The following OTULIN variants were observed in gnomAD, a reference collection of about 807,000 sequenced individuals.
The protein encoded by OTULIN is ubiquitin thioesterase otulin.
Under a neutral mutation model 39.6 loss-of-function variants are expected in OTULIN, and 15 were observed. The ratio of observed to expected loss-of-function variants is 0.38; its 90% CI spans 0.25 to 0.58. The LOEUF (loss-of-function observed/expected upper bound fraction) is 0.58, where lower values mean the gene tolerates loss of function less well. Among genes scored for constraint, OTULIN ranks in the 20% least tolerant of loss-of-function variants. The pLI, the probability that OTULIN is intolerant of heterozygous loss-of-function variation, is 0.66. For synonymous variants in OTULIN, 156 were observed against 170.3 expected (o/e 0.92, Z 0.65); for missense variants, 319 against 445.9 (o/e 0.72, Z 2.56).
At chr5:14,716,445 T>C in the OTULIN span, among the ~76,000 whole-genome samples, 308 of 152,264 alleles carry the variant, frequency 2.0e-3, 4 homozygotes, top group Middle Eastern at 6.8e-3. Context: ...TGAGCCGACA[T>C]TGTGCTACTG....
chr5:14,692,746 T>G, intron 6 of OTULIN, 108 bp from the exon 7 acceptor site: 1 of 861,670 alleles, frequency 1.2e-6, no homozygotes, highest in Non-Finnish European at 1.8e-6. Flanking sequence ...GAAAAAACGT[T>G]GTGGCTTCAC....
chr5:14,706,955 A>G, the OTULIN span: 1 of 152,252 alleles, frequency 6.6e-6, no homozygotes, highest in Non-Finnish European at 1.5e-5. Flanking sequence ...CAATGCAGAC[A>G]TCTCAACACT....
intron 6 of OTULIN, 117 bp from the exon 7 acceptor site, chr5:14,692,737 A>G (rs1443399080): frequency 5.1e-5 from 41 of 796,464 alleles, no homozygotes; most frequent in Non-Finnish European, 8.0e-5. Flanking sequence ...AAGCAGGAGG[A>G]AAAAACGTTG....
chr5:14,674,525 G>T (rs1255530133), intron 2 of OTULIN, among the ~76,000 whole-genome samples: 1 of 152,238 alleles, frequency 6.6e-6, no homozygotes, highest in African/African-American at 2.4e-5. Flanking sequence ...GGAGGCCGAG[G>T]CGGGCGGATT....
intron 5 of OTULIN, 53 bp downstream of exon 5, chr5:14,687,699 T>C (rs1196205581): frequency 6.5e-7 from 1 of 1,528,508 alleles, no homozygotes; most frequent in East Asian, 2.4e-5. Context: ...CGTTCTTGCT[T>C]GCCCCAGAAG....
chr5:14,677,792 A>G (rs1258798540), intron 2 of OTULIN, among the ~76,000 whole-genome samples: 1 of 152,242 alleles, frequency 6.6e-6, no homozygotes, highest in Non-Finnish European at 1.5e-5. Flanking sequence ...TAAATACATT[A>G]AGATAATTAA....
At chr5:14,679,584 CTG>C (rs1356858487) in intron 3 of OTULIN, among the ~76,000 whole-genome samples, 4 of 152,196 alleles carry the variant, frequency 2.6e-5, no homozygotes, top group South Asian at 2.1e-4. Flanking sequence ...GAGATACTGA[CTG>C]TCATATTTAA....
Position 14,687,616 on chromosome 5 carries a change from T to C in OTULIN, c.564T>C (p.Ile188=), listed in dbSNP as rs1736418634. ...AGAATGAGGACCTGGTTGATAAAATTAAAGAGTCCCTTACTCTGCTGAGGA... is the reference window on the plus strand; with the variant it reads ...AGAATGAGGACCTGGTTGATAAAATCAAAGAGTCCCTTACTCTGCTGAGGA... ...DGKNEDLVDK[I]KESLTLLRKK... is the part of the protein sequence containing the mutation. Residue 188 remains isoleucine, a synonymous_variant, in exon 5 of 7, where the codon ATT becomes ATC. Coordinates refer to ENST00000284274, the MANE Select transcript of OTULIN (RefSeq NM_138348.6). 6.2e-7 allele frequency: 1 copy of C among 1,613,908 alleles called. No homozygotes were observed.
At chr5:14,673,190 T>C (rs1440993687) in intron 1 of OTULIN, among the ~76,000 whole-genome samples, 1 of 152,188 alleles carries the variant, frequency 6.6e-6, no homozygotes, top group Non-Finnish European at 1.5e-5. Context: ...TTAAGGTAGC[T>C]ATTGTCAGGT....
rs369428778 is a variant in OTULIN at position 14,676,934 on chromosome 5, G to A, written c.230-1747G>A. Reference sequence around the variant, plus strand: ...TTTAAGGATTGGCTGTGCAGCATTGGTCTTTGTGGTCCCTGTATATTATAC... The same window carrying A: ...TTTAAGGATTGGCTGTGCAGCATTGATCTTTGTGGTCCCTGTATATTATAC... On this transcript the variant is annotated intron_variant, in intron 2 of 6. Coordinates refer to ENST00000284274, the MANE Select transcript of OTULIN (RefSeq NM_138348.6). 2.0e-4 allele frequency among the ~76,000 whole-genome samples: 30 copies of A among 152,232 alleles called. No homozygotes were observed. The South Asian group carries it at 6.2e-3, about 32-fold the overall frequency.
At position 14,697,324 on chromosome 5, in the gene OTULIN, G is replaced by C. The variant is rs1736696086; in HGVS notation, c.*4276G>C. 1 of 152,116 alleles carries C rather than the reference G, an allele frequency of 6.6e-6. No individual in the cohort carries two copies. The highest frequency in any genetic ancestry group is 1.5e-5 in the Non-Finnish European group (1 of 68,046). The allele number at this position is 152,116 out of a possible 1,614,324, so 9.4% of individuals were successfully genotyped here. Reference sequence around the variant, plus strand: ...GCCAAATAGCTGGGATTACAGGTGTGTACCACCACTCCCAGCTAATTTTTG... The same window carrying C: ...GCCAAATAGCTGGGATTACAGGTGTCTACCACCACTCCCAGCTAATTTTTG... On this transcript the variant is annotated 3_prime_UTR_variant, in exon 7 of 7. Coordinates refer to ENST00000284274, the MANE Select transcript of OTULIN (RefSeq NM_138348.6).
chr5:14,704,496 G>A (rs1736882912), downstream of OTULIN, among the ~76,000 whole-genome samples: 1 of 152,190 alleles, frequency 6.6e-6, no homozygotes, highest in African/African-American at 2.4e-5. Context: ...TTGAGAAGGT[G>A]TATAGAGAAG....
Position 14,697,379 on chromosome 5 carries a change from G to A in OTULIN, c.*4331G>A, listed in dbSNP as rs566871379. 6.6e-6 allele frequency: 1 copy of A among 152,248 alleles called. No homozygotes were observed. The highest frequency in any genetic ancestry group is 1.5e-5 in the Non-Finnish European group (1 of 68,040). The allele number at this position is 152,248 out of a possible 1,614,324, so 9.4% of individuals were successfully genotyped here. A position where few individuals can be genotyped will look rare whatever the true frequency, so the allele number is the denominator to read the frequency against. ...TTTAGTAGAGATGGGGTTTTACCAT[G>A]TTGGCCAGGCTGGTCTCGAGCTCCT... On this transcript the variant is annotated 3_prime_UTR_variant, in exon 7 of 7. Coordinates refer to ENST00000284274, the MANE Select transcript of OTULIN (RefSeq NM_138348.6).
chr5:14,715,556 CA>C, the OTULIN span, among the ~76,000 whole-genome samples: 1 of 152,206 alleles, frequency 6.6e-6, no homozygotes, highest in Non-Finnish European at 1.5e-5. Context: ...TTAAAAGATA[CA>C]AAAGGGAATA....
At chr5:14,714,986 A>G in the OTULIN span, among the ~76,000 whole-genome samples, 2 of 152,134 alleles carry the variant, frequency 1.3e-5, no homozygotes, top group African/African-American at 2.4e-5. Context: ...CCCTGTGTCT[A>G]CCCAACAAGT....
Position 14,692,870 on chromosome 5 carries a change from T to G in OTULIN, c.881T>G (p.Leu294Arg). 1 of 1,613,852 alleles carries G rather than the reference T, an allele frequency of 6.2e-7. No individual in the cohort carries two copies. Among genetic ancestry groups the G allele is most frequent in the Non-Finnish European group, 8.5e-7 (1 of 1,179,818 alleles). ...TCTTCCCAGGTTGAAATGTTCCTTC[T>G]TGCCTATGCTGTGCGCCACACCATC... ...GGLEQVEMFL[L>R]AYAVRHTIQV... is the part of the protein sequence containing the mutation. Residue 294 changes from leucine (L) to arginine (R), a missense_variant, in exon 7 of 7, where the codon CTT (leucine) becomes CGT (arginine). Transcript: ENST00000284274.
chr5:14,700,145 T>C (rs866003400), downstream of OTULIN, among the ~76,000 whole-genome samples: 5 of 152,350 alleles, frequency 3.3e-5, no homozygotes, highest in South Asian at 1.0e-3. Flanking sequence ...CATCTGTTCA[T>C]GTCTTCTGTA....
downstream of OTULIN, among the ~76,000 whole-genome samples, chr5:14,701,329 G>A (rs534742822): frequency 8.3e-4 from 127 of 152,356 alleles, no homozygotes; most frequent in African/African-American, 2.9e-3. Context: ...AGGTGGCCTT[G>A]TGGGGCAGGC....
intron 2 of OTULIN, among the ~76,000 whole-genome samples, chr5:14,675,219 A>G (rs1436175334): frequency 6.6e-6 from 1 of 152,226 alleles, no homozygotes; most frequent in Non-Finnish European, 1.5e-5. Context: ...ATCCGTCCAT[A>G]GCTTTTTCAT....
Sources: gnomAD v4.1 joint callset for allele counts (sites outside exome capture counted in the v4.1 genomes callset) on GRCh38, gnomAD v4.1.1 for gene constraint, MANE v1.5 for transcripts, NCBI Gene and HGNC (gene_info 2026-07-23, HGNC 2026-07-21) for gene names.